SPIDR: variants seen among roughly 807,000 people sequenced by gnomAD.
SPIDR encodes the protein DNA repair-scaffolding protein.
A neutral mutation model predicts 104.6 loss-of-function variants in SPIDR; 93 were observed. That is an observed-to-expected ratio of 0.89 (90% confidence interval 0.75 to 1.06). The LOEUF (loss-of-function observed/expected upper bound fraction) is 1.06, where lower values mean the gene tolerates loss of function less well. Ranked by LOEUF, SPIDR falls within the 50% of genes least tolerant of loss-of-function variation. The probability of loss-of-function intolerance (pLI) is 0.00; values close to 1 mark genes in which losing one functional copy is unlikely to be tolerated. For synonymous variants in SPIDR, 431 were observed against 416.9 expected (o/e 1.03, Z -0.41); for missense variants, 1,154 against 1,111.2 (o/e 1.04, Z -0.55).
At chr8:47,265,256 C>G (rs2033695090) in intron 1 of SPIDR, among the ~76,000 whole-genome samples, 2 of 141,976 alleles carry the variant, frequency 1.4e-5, no homozygotes, top group African/African-American at 5.4e-5. Context: ...GGGGTGCTAT[C>G]ATGGCTCACT....
intron 5 of SPIDR, among the ~76,000 whole-genome samples, chr8:47,390,780 T>A (rs1801421026): frequency 3.3e-5 from 5 of 152,116 alleles, no homozygotes; most frequent in Admixed American, 3.3e-4. Flanking sequence ...AAGCTGGGAA[T>A]GGGGGAGTCA....
chr8:47,438,186 G>C (rs1440241869), intron 7 of SPIDR, among the ~76,000 whole-genome samples: 4 of 152,198 alleles, frequency 2.6e-5, no homozygotes, highest in African/African-American at 9.7e-5. Context: ...ACTTGAACTT[G>C]AGCAGACCCC....
intron 5 of SPIDR, among the ~76,000 whole-genome samples, chr8:47,370,291 A>AT (rs1193389297): frequency 6.6e-6 from 1 of 151,916 alleles, no homozygotes; most frequent in Non-Finnish European, 1.5e-5. Context: ...CGCAATGTTG[A>AT]TTTTCTCTGT....
At chr8:47,728,521 A>G (rs560630817) in intron 17 of SPIDR, among the ~76,000 whole-genome samples, 1 of 152,256 alleles carries the variant, frequency 6.6e-6, no homozygotes, top group African/African-American at 2.4e-5. Context: ...GGCCTTACAC[A>G]AGCCATCACT....
At chr8:47,654,551 C>G (rs1363618569) in intron 10 of SPIDR, among the ~76,000 whole-genome samples, 9 of 152,118 alleles carry the variant, frequency 5.9e-5, no homozygotes, top group African/African-American at 2.2e-4. Flanking sequence ...TAAATAAATG[C>G]AGCAGTGATT....
rs147359797 is a variant in SPIDR at position 47,526,074 on chromosome 8, CCT to C, written c.1098-69736_1098-69735del. 6.6e-4 allele frequency among the ~76,000 whole-genome samples: 100 copies of C among 152,250 alleles called. 1 individual carries two copies. In the East Asian group the frequency reaches 0.016, roughly 25 times the overall value. On this transcript the variant is annotated intron_variant, in intron 8 of 19. Coordinates refer to ENST00000297423, the MANE Select transcript of SPIDR (RefSeq NM_001080394.4). ...TGTGTCCTTACGAATCTTGTATTCC[CCT>C]GAGTTAAACTTAGAGCCTCTGAATT...
chr8:47,293,138 G>A (rs2040233933), intron 4 of SPIDR, among the ~76,000 whole-genome samples: 1 of 151,736 alleles, frequency 6.6e-6, no homozygotes, highest in Admixed American at 6.6e-5. Context: ...TATAGTGGCT[G>A]TTTTTTTTAA....
chr8:47,314,328 A>G (rs897375507), intron 5 of SPIDR, among the ~76,000 whole-genome samples: 1 of 152,220 alleles, frequency 6.6e-6, no homozygotes. Flanking sequence ...GAGAAAATGA[A>G]AAAAGGTATA....
At chr8:47,710,976 C>T (rs2081799884) in intron 14 of SPIDR, among the ~76,000 whole-genome samples, 1 of 151,934 alleles carries the variant, frequency 6.6e-6, no homozygotes, top group Non-Finnish European at 1.5e-5. Context: ...TGGGGTCTCA[C>T]TATATTGGCC....
chr8:47,520,784 A>G (rs546848113), intron 8 of SPIDR, among the ~76,000 whole-genome samples: 2 of 152,330 alleles, frequency 1.3e-5, no homozygotes, highest in South Asian at 2.1e-4. Context: ...GACACTGGAC[A>G]TGACTTCCCA....
chr8:47,472,421 G>A (rs1231065636), intron 8 of SPIDR, among the ~76,000 whole-genome samples: 6 of 152,206 alleles, frequency 3.9e-5, no homozygotes, highest in African/African-American at 1.4e-4. Context: ...GATGACCAGC[G>A]TTCCAGGAGA....
chr8:47,382,114 A>G (rs2059392147), intron 5 of SPIDR, among the ~76,000 whole-genome samples: 1 of 152,236 alleles, frequency 6.6e-6, no homozygotes, highest in South Asian at 2.1e-4. Flanking sequence ...CCAAAGAGGC[A>G]CTGCTTCATC....
chr8:47,664,524 TGAAAA>T (rs1025282100), intron 10 of SPIDR, among the ~76,000 whole-genome samples: 1 of 152,026 alleles, frequency 6.6e-6, no homozygotes, highest in Non-Finnish European at 1.5e-5. Flanking sequence ...ATTCTGTTGT[TGAAAA>T]GAACAACAAC....
At chr8:47,351,827 A>G (rs782076030) in intron 5 of SPIDR, among the ~76,000 whole-genome samples, 1 of 152,226 alleles carries the variant, frequency 6.6e-6, no homozygotes, top group African/African-American at 2.4e-5. Context: ...TTCAAATACT[A>G]CATCATTTTA....
intron 16 of SPIDR, among the ~76,000 whole-genome samples, chr8:47,719,743 G>T (rs2083125572): frequency 1.3e-5 from 2 of 151,684 alleles, no homozygotes; most frequent in Admixed American, 1.3e-4. Context: ...GGAAGCCAGG[G>T]CCCCCACATC....
At chr8:47,465,547 A>C (rs371954128) in intron 8 of SPIDR, among the ~76,000 whole-genome samples, 94 of 152,314 alleles carry the variant, frequency 6.2e-4, no homozygotes, top group South Asian at 5.8e-3. Context: ...AGCCTGGCCA[A>C]CATGGTGAAA....
At position 47,278,718 on chromosome 8, in the gene SPIDR, C is replaced by T. The variant is rs1554556222; in HGVS notation, c.34-1144C>T. On this transcript the variant is annotated intron_variant, in intron 1 of 19. Coordinates refer to ENST00000297423, the MANE Select transcript of SPIDR (RefSeq NM_001080394.4). Reference sequence around the variant, plus strand: ...TGCCTTCCGGGGTCAAGCGATTGTCCTGCCCCAGCTTCCTGAGTAGCTAGG... The same window carrying T: ...TGCCTTCCGGGGTCAAGCGATTGTCTTGCCCCAGCTTCCTGAGTAGCTAGG... Among the ~76,000 whole-genome samples, 122 of 152,224 alleles carry T rather than the reference C, an allele frequency of 8.0e-4. 1 individual carries two copies. The highest frequency in any genetic ancestry group is 3.7e-3 in the South Asian group (18 of 4,826).
intron 5 of SPIDR, among the ~76,000 whole-genome samples, chr8:47,312,810 G>A (rs1586777856): frequency 6.6e-6 from 1 of 152,272 alleles, no homozygotes; most frequent in Admixed American, 6.5e-5. Flanking sequence ...CCTATGTCCT[G>A]AATGGTATTG....
chr8:47,537,746 A>G (rs1258353082), intron 8 of SPIDR, among the ~76,000 whole-genome samples: 2 of 152,224 alleles, frequency 1.3e-5, no homozygotes, highest in Non-Finnish European at 2.9e-5. Context: ...GCTGTAATAA[A>G]TGTATCACAT....
Sources: gnomAD v4.1 joint callset for allele counts (sites outside exome capture counted in the v4.1 genomes callset) on GRCh38, gnomAD v4.1.1 for gene constraint, MANE v1.5 for transcripts, NCBI Gene and HGNC (gene_info 2026-07-23, HGNC 2026-07-21) for gene names.